ZNF605: variants seen among roughly 807,000 people sequenced by gnomAD.
The protein encoded by ZNF605 is zinc finger protein 605.
A neutral mutation model predicts 7.9 loss-of-function variants in ZNF605; 9 were observed. The ratio of observed to expected loss-of-function variants is 1.14; its 90% confidence interval spans 0.68 to 1.98. The LOEUF (loss-of-function observed/expected upper bound fraction) is 1.98, where lower values mean the gene tolerates loss of function less well. ZNF605 is among the 30% of genes most tolerant of loss of function. The probability of loss-of-function intolerance (pLI) is 0.00; values close to 1 mark genes in which losing one functional copy is unlikely to be tolerated. For missense variants in ZNF605, 673 were observed against 762.4 expected, an observed-to-expected ratio of 0.88 and a Z score of 1.38; for synonymous variants, 255 against 260.1, an observed-to-expected ratio of 0.98 and a Z score of 0.19.
At position 132,926,793 on chromosome 12, in the gene ZNF605, T is replaced by A. The variant is rs1952252406; in HGVS notation, c.506A>T (p.Tyr169Phe). Residue 169 changes from tyrosine to phenylalanine, a missense_variant, in exon 5 of 5, where the codon TAT becomes TTT. Transcript: ENST00000360187. ...TANHITHTGV[Y>F]LCMECGRFFN... ...AAATCTGCCACATTCCATGCATAAA[T>A]AGACTCCTGTGTGTGTTATGTGATT... 6.2e-7 allele frequency: 1 copy of A among 1,614,022 alleles called. No homozygotes were observed. Among genetic ancestry groups the A allele is most frequent in the Non-Finnish European group, 8.5e-7 (1 of 1,180,016 alleles).
intron 1 of ZNF605, among the ~76,000 whole-genome samples, chr12:132,955,651 C>T (rs1440435052): frequency 3.9e-5 from 6 of 152,258 alleles, no homozygotes; most frequent in Non-Finnish European, 5.9e-5. Context: ...AACACTGTCA[C>T]AGCCGGCAGG....
chr12:132,938,895 G>A (rs1269372058), intron 3 of ZNF605, among the ~76,000 whole-genome samples: 12 of 152,134 alleles, frequency 7.9e-5, no homozygotes, highest in South Asian at 2.1e-4. Flanking sequence ...CTTAGCACCC[G>A]GGCCAGTGGC....
rs1173444563 is a variant in ZNF605, at chr12:132,922,736, G to C, written c.*2637C>G. On this transcript the variant is annotated 3_prime_UTR_variant, in exon 5 of 5. Transcript: ENST00000360187. The stretch of plus-strand genomic sequence containing the variant: ...AGTAGTTAAGTCTGAAGATCATGGA[G>C]AGGGAATGGTGTCAACTGAAACCGA... The C allele has an allele frequency of 6.6e-6, 1 of 152,234 alleles. No individual in the cohort carries two copies. 9.4% of individuals were successfully genotyped at this position (152,234 alleles called of 1,614,324 possible).
At position 132,922,098 on chromosome 12, in the gene ZNF605, C is replaced by G. The variant is rs970208940; in HGVS notation, c.*3275G>C. 5 of 152,158 alleles carry G rather than the reference C, an allele frequency of 3.3e-5. No individual in the cohort carries two copies. The highest frequency in any genetic ancestry group is 1.2e-4 in the African/African-American group (5 of 41,430). The allele number at this position is 152,158 out of a possible 1,614,324, so 9.4% of individuals were successfully genotyped here. On this transcript the variant is annotated 3_prime_UTR_variant, in exon 5 of 5. Transcript: ENST00000360187. ...AGACTTGCCCACAGGTTAGAGATTACATGAATTATCCACAACGAATGGTAG... is the reference window on the plus strand; with the variant it reads ...AGACTTGCCCACAGGTTAGAGATTAGATGAATTATCCACAACGAATGGTAG...
rs182345244 is a variant in ZNF605 at position 132,925,039 on chromosome 12, A to T, written c.*334T>A. On this transcript the variant is annotated 3_prime_UTR_variant, in exon 5 of 5. Coordinates refer to ENST00000360187, the MANE Select transcript of ZNF605 (RefSeq NM_183238.4). ...ATCTTCCACTTTGTTATAAAAAACA[A>T]TAGAATTTTCTTCCTGTTTAGGTAT... is the stretch of plus-strand genomic sequence containing the variant. The T allele has an allele frequency of 4.4e-5, 9 of 203,984 alleles. No individual in the cohort carries two copies. The East Asian group carries it at 9.7e-4, about 22-fold the overall frequency. The allele number at this position is 203,984 out of a possible 1,614,324, so 12.6% of individuals were successfully genotyped here.
rs1952446134 is a variant in ZNF605, at chr12:132,941,828, C to G, written c.15+3793G>C. Reference sequence around the variant, plus strand: ...CCCTCTGTCACGCTCCTTCTCGAGGCTGCCCTCCATCACGCGTCCTTCTTC... The same window carrying G: ...CCCTCTGTCACGCTCCTTCTCGAGGGTGCCCTCCATCACGCGTCCTTCTTC... On this transcript the variant is annotated intron_variant, in intron 3 of 4. Transcript: ENST00000360187. This position sits in a 1 kb window ranked among gnomAD's most constrained non-coding sequence, Gnocchi z 5.1. 6.6e-6 allele frequency among the ~76,000 whole-genome samples: 1 copy of G among 152,104 alleles called. No individual in the cohort carries two copies. Among genetic ancestry groups the G allele is most frequent in the African/African-American group, 2.4e-5 (1 of 41,432 alleles).
chr12:132,942,420 C>A (rs1952452368), intron 3 of ZNF605, among the ~76,000 whole-genome samples: 1 of 152,200 alleles, frequency 6.6e-6, no homozygotes, highest in African/African-American at 2.4e-5. Context: ...CTGTGCAGAA[C>A]TCCTCCAGAG....
chr12:132,926,268 T>A lies in ZNF605; in HGVS notation c.1031A>T (p.Lys344Ile). 6.2e-7 allele frequency: 1 copy of A among 1,613,914 alleles called. No homozygotes were observed. The highest frequency in any genetic ancestry group is 8.5e-7 in the Non-Finnish European group (1 of 1,179,944). The change falls in exon 5 of 5, where the codon AAA becomes ATA. Residue 344 changes from lysine to isoleucine, a missense_variant. Transcript: ENST00000360187. ...GAGAAGTGAGTTCCTGCTGAAGGCTTTTTGACACTCACCACATCCGTAAGG... is the reference window on the plus strand; with the variant it reads ...GAGAAGTGAGTTCCTGCTGAAGGCTATTTGACACTCACCACATCCGTAAGG... The part of the protein sequence containing the change: ...KKPYGCGECQ[K>I]AFSRNSLLIR...
intron 4 of ZNF605, chr12:132,932,818 AAC>A: frequency 6.5e-7 from 1 of 1,530,400 alleles, no homozygotes; most frequent in Non-Finnish European, 8.8e-7. Flanking sequence ...GTCGATTGGA[AAC>A]ACAGAGGACT....
intron 3 of ZNF605, chr12:132,945,317 T>C (rs1952484794): frequency 4.9e-6 from 5 of 1,019,782 alleles, no homozygotes; most frequent in East Asian, 4.7e-5. Flanking sequence ...ACATCTTCTT[T>C]CCCAAGTTTA....
intron 1 of ZNF605, among the ~76,000 whole-genome samples, chr12:132,950,363 A>G (rs1355436301): frequency 6.6e-6 from 1 of 152,132 alleles, no homozygotes; most frequent in African/African-American, 2.4e-5. Flanking sequence ...ACTGATCTAC[A>G]AGTACACGCA....
intron 3 of ZNF605, among the ~76,000 whole-genome samples, chr12:132,939,609 G>A (rs1351678269): frequency 5.3e-5 from 8 of 152,076 alleles, no homozygotes; most frequent in African/African-American, 1.7e-4. Context: ...ACCAATCAGC[G>A]CCCTGACAAA....
At chr12:132,939,368 T>C (rs1952407568) in intron 3 of ZNF605, among the ~76,000 whole-genome samples, 1 of 152,080 alleles carries the variant, frequency 6.6e-6, no homozygotes, top group Non-Finnish European at 1.5e-5. Flanking sequence ...CCTTTATGTC[T>C]AGCTCAAGGA....
In ZNF605 at chr12:132,939,751, C is replaced by T. The variant is rs539142132; in HGVS notation, c.15+5870G>A. 3.5e-3 allele frequency among the ~76,000 whole-genome samples: 531 copies of T among 152,330 alleles called. 5 individuals are homozygous for T. Among genetic ancestry groups the T allele is most frequent in the African/African-American group, 0.012 (510 of 41,562 alleles). Reference sequence around the variant, plus strand: ...ACACTGTGCAGGCTTTGTTCTTTCGCTCTTTGCAATAAATCTTGCTACTGC... The same window carrying T: ...ACACTGTGCAGGCTTTGTTCTTTCGTTCTTTGCAATAAATCTTGCTACTGC... On this transcript the variant is annotated intron_variant, in intron 3 of 4. Coordinates refer to ENST00000360187, the MANE Select transcript of ZNF605 (RefSeq NM_183238.4).
At chr12:132,952,971 C>T (rs1341450424) in intron 1 of ZNF605, among the ~76,000 whole-genome samples, 1 of 152,094 alleles carries the variant, frequency 6.6e-6, no homozygotes, top group Non-Finnish European at 1.5e-5. Context: ...ATCACACACA[C>T]ACCCCAGACA....
chr12:132,946,367 G>A (rs2137156781), intron 2 of ZNF605, among the ~76,000 whole-genome samples: 1 of 152,356 alleles, frequency 6.6e-6, no homozygotes, highest in Non-Finnish European at 1.5e-5. Context: ...AGACACCCCT[G>A]GGCAGACGCA....
In ZNF605 at chr12:132,925,364, T is replaced by G. The variant is rs763120395; in HGVS notation, c.*9A>C. Reference sequence around the variant, plus strand: ...AGCAACCTTTCTGCATTCGCCAAAGTCATGATTTTTATATTATATGATTTC... The same window carrying G: ...AGCAACCTTTCTGCATTCGCCAAAGGCATGATTTTTATATTATATGATTTC... On this transcript the variant is annotated 3_prime_UTR_variant, in exon 5 of 5. Transcript: ENST00000360187. The G allele has an allele frequency of 3.2e-6, 5 of 1,556,778 alleles. No homozygotes were observed. Among genetic ancestry groups the G allele is most frequent in the Non-Finnish European group, 3.5e-6 (4 of 1,151,420 alleles).
At chr12:132,945,041 G>A in intron 3 of ZNF605, 1 of 256,058 alleles carries the variant, frequency 3.9e-6, no homozygotes, top group Non-Finnish European at 7.6e-6. Flanking sequence ...TGGCTGGAGT[G>A]CACTGATGCG....
rs1952176154 is a variant in ZNF605, at chr12:132,918,354, C to T, written c.*7019G>A. ...TTGCAAATTGCTCCCAGTGATCACA[C>T]TCACACATATGAATTCATGAAACAG... On this transcript the variant is annotated 3_prime_UTR_variant, in exon 5 of 5. Coordinates refer to ENST00000360187, the MANE Select transcript of ZNF605 (RefSeq NM_183238.4). The T allele has an allele frequency of 6.6e-6, 1 of 152,186 alleles. No individual in the cohort carries two copies. The highest frequency in any genetic ancestry group is 1.5e-5 in the Non-Finnish European group (1 of 68,050). 9.4% of individuals were successfully genotyped at this position (152,186 alleles called of 1,614,324 possible). A position where few individuals can be genotyped will look rare whatever the true frequency, so the allele number is the denominator to read the frequency against.
Sources: gnomAD v4.1 joint callset for allele counts (sites outside exome capture counted in the v4.1 genomes callset) on GRCh38, gnomAD v4.1.1 for gene constraint, Gnocchi (gnomAD v3.1) non-coding constraint, MANE v1.5 for transcripts, NCBI Gene and HGNC (gene_info 2026-07-23, HGNC 2026-07-21) for gene names.